The following SAMHD1 variants were observed in gnomAD, a reference collection of about 807,000 sequenced individuals.
SAMHD1 encodes deoxynucleoside triphosphate triphosphohydrolase SAMHD1.
Under a neutral mutation model 79.6 loss-of-function variants are expected in SAMHD1, and 54 were observed. The observed-to-expected ratio is 0.68, with a 90% CI of 0.55 to 0.85. The LOEUF is 0.85. Among genes scored for constraint, SAMHD1 ranks in the 40% least tolerant of loss-of-function variants. The pLI is 0.00. For missense variants in SAMHD1, 663 were observed against 782.7 expected, an observed-to-expected ratio of 0.85 and a Z score of 1.82; for synonymous variants, 260 against 264.1, an observed-to-expected ratio of 0.98 and a Z score of 0.15.
intron 11 of SAMHD1, among the ~76,000 whole-genome samples, chr20:36,908,561 T>C (rs2063418667): frequency 6.6e-6 from 1 of 152,196 alleles, no homozygotes; most frequent in African/African-American, 2.4e-5. Flanking sequence ...TTGATTGAAT[T>C]TACTGAAAGG....
At chr20:36,943,662 T>C (rs1026238563) in intron 2 of SAMHD1, among the ~76,000 whole-genome samples, 1 of 152,138 alleles carries the variant, frequency 6.6e-6, no homozygotes, top group Non-Finnish European at 1.5e-5. Flanking sequence ...TGCACATGGC[T>C]CCCTTGAAAA....
intron 2 of SAMHD1, among the ~76,000 whole-genome samples, chr20:36,942,856 C>T (rs1223908629): frequency 6.6e-6 from 1 of 152,034 alleles, no homozygotes; most frequent in Non-Finnish European, 1.5e-5. Context: ...CAGGGTTTCA[C>T]CATGTTAGCC....
chr20:36,941,233 A>T (rs1418360994), intron 2 of SAMHD1, 122 bp from the exon 3 acceptor site: 10 of 732,192 alleles, frequency 1.4e-5, no homozygotes. Context: ...TGGAAGGAAC[A>T]ATCAATAATT....
chr20:36,927,031 C>CAT (rs111873191), intron 6 of SAMHD1, 151 bp downstream of exon 6: 2,962 of 591,206 alleles, frequency 5.0e-3, no homozygotes, highest in Middle Eastern at 7.3e-3. Context: ...CAAACAAAAG[C>CAT]ATATATATAT....
intron 1 of SAMHD1, among the ~76,000 whole-genome samples, chr20:36,949,409 G>A (rs2063717272): frequency 6.7e-6 from 1 of 150,074 alleles, no homozygotes; most frequent in East Asian, 2.0e-4. Flanking sequence ...TCGAAGCCAA[G>A]AGTTTGAGAC....
At chr20:36,899,351 C>T (rs1990258922) in intron 13 of SAMHD1, among the ~76,000 whole-genome samples, 1 of 151,892 alleles carries the variant, frequency 6.6e-6, no homozygotes, top group Non-Finnish European at 1.5e-5. Flanking sequence ...TTGGTTGAAC[C>T]TGGCAGGCGG....
chr20:36,903,308 C>T (rs550790569), intron 13 of SAMHD1, among the ~76,000 whole-genome samples: 21 of 152,008 alleles, frequency 1.4e-4, no homozygotes, highest in Admixed American at 1.3e-4. Context: ...GGCGTGATCT[C>T]GGCTCACTGC....
At chr20:36,932,622 G>A (rs2063575495) in intron 4 of SAMHD1, among the ~76,000 whole-genome samples, 1 of 151,760 alleles carries the variant, frequency 6.6e-6, no homozygotes, top group Non-Finnish European at 1.5e-5. Flanking sequence ...TCGCCATGTT[G>A]CCCAGGCTGA....
At chr20:36,925,872 G>A (rs1349424930) in intron 6 of SAMHD1, among the ~76,000 whole-genome samples, 1 of 152,176 alleles carries the variant, frequency 6.6e-6, no homozygotes, top group Non-Finnish European at 1.5e-5. Flanking sequence ...GCTGATGGGA[G>A]TGTAAAATGG....
At chr20:36,929,944 G>A (rs1360398968) in intron 5 of SAMHD1, among the ~76,000 whole-genome samples, 1 of 151,914 alleles carries the variant, frequency 6.6e-6, no homozygotes, top group Non-Finnish European at 1.5e-5. Context: ...AGAAGGACAA[G>A]GCCAGGCGCG....
intron 13 of SAMHD1, among the ~76,000 whole-genome samples, chr20:36,903,546 TTTTC>T (rs1189298243): frequency 9.2e-6 from 1 of 108,476 alleles, no homozygotes; most frequent in Non-Finnish European, 2.0e-5. Context: ...GCAATTTTTT[TTTTC>T]TTTTTCTTTT....
Position 36,922,980 on chromosome 20 carries a change from AT to A in SAMHD1, c.697-3462del, listed in dbSNP as rs571925152. 5.0e-4 allele frequency among the ~76,000 whole-genome samples: 76 copies of A among 151,958 alleles called. 1 individual carries two copies. Among genetic ancestry groups the A allele is most frequent in the African/African-American group, 1.7e-3 (69 of 41,458 alleles). On this transcript the variant is annotated intron_variant, in intron 6 of 15. Coordinates refer to ENST00000646673, the MANE Select transcript of SAMHD1 (RefSeq NM_015474.4). Reference sequence around the variant, plus strand: ...TACTTTCTAATGATTCAGAAAAAAAATATCTATATATAAAGAGAGAGTATTT... The same window carrying A: ...TACTTTCTAATGATTCAGAAAAAAAAATCTATATATAAAGAGAGAGTATTT...
At chr20:36,923,438 A>C (rs1056438588) in intron 6 of SAMHD1, among the ~76,000 whole-genome samples, 6 of 151,444 alleles carry the variant, frequency 4.0e-5, no homozygotes, top group African/African-American at 1.5e-4. Flanking sequence ...AATAAAATAA[A>C]AATAAATAAA....
intron 4 of SAMHD1, among the ~76,000 whole-genome samples, chr20:36,932,338 C>T (rs1395285588): frequency 4.8e-5 from 5 of 104,838 alleles, no homozygotes; most frequent in Non-Finnish European, 8.8e-5. Context: ...GCAACAAGAG[C>T]GAAACTCCGT....
At position 36,892,423 on chromosome 20, in the gene SAMHD1, T is replaced by C. The variant is rs2148351680; in HGVS notation, c.*509A>G. 5.2e-6 allele frequency: 1 copy of C among 191,686 alleles called. No homozygotes were observed. Among genetic ancestry groups the C allele is most frequent in the East Asian group, 1.4e-4 (1 of 7,076 alleles). The allele number at this position is 191,686 out of a possible 1,614,324, so 11.9% of individuals were successfully genotyped here. On this transcript the variant is annotated 3_prime_UTR_variant, in exon 16 of 16. Coordinates refer to ENST00000646673, the MANE Select transcript of SAMHD1 (RefSeq NM_015474.4). ...TTTTAGCCATGTTTGTCAATGACAATGTCAATTTCTAGTTCCAATTTGTAC... is the reference window on the plus strand; with the variant it reads ...TTTTAGCCATGTTTGTCAATGACAACGTCAATTTCTAGTTCCAATTTGTAC...
chr20:36,896,138 A>G (rs1027337520), intron 15 of SAMHD1, among the ~76,000 whole-genome samples: 3 of 149,602 alleles, frequency 2.0e-5, no homozygotes, highest in Admixed American at 1.3e-4. Flanking sequence ...GTCGCCGGCT[A>G]ATTTTTTGTA....
At chr20:36,910,524 G>A (rs2063432163) in intron 11 of SAMHD1, among the ~76,000 whole-genome samples, 1 of 152,020 alleles carries the variant, frequency 6.6e-6, no homozygotes, top group Non-Finnish European at 1.5e-5. Flanking sequence ...GAGGTCAGGA[G>A]TTCGAGAAGA....
chr20:36,917,155 A>C, intron 7 of SAMHD1, 106 bp from the exon 8 acceptor site: 1 of 734,570 alleles, frequency 1.4e-6, no homozygotes, highest in Non-Finnish European at 2.4e-6. Context: ...CAGATACCTG[A>C]CTGGGAATAT....
In SAMHD1 at chr20:36,930,800, A is replaced by T; in HGVS notation, c.585T>A (p.Asp195Glu). The T allele has an allele frequency of 6.2e-7, 1 of 1,613,946 alleles. No homozygotes were observed. Among genetic ancestry groups the T allele is most frequent in the Non-Finnish European group, 8.5e-7 (1 of 1,179,892 alleles). Residue 195 changes from aspartate to glutamate, a missense_variant, in exon 5 of 16, where the codon GAT (aspartate) becomes GAA (glutamate). Transcript: ENST00000646673. ...KQPELQISERDVLCVQIAGLC... is the reference protein window; with the variant it reads ...KQPELQISEREVLCVQIAGLC... ...GTCCAGCAATCTGAACACAGAGAAC[A>T]TCTCGTTCACTTATCTGCAGCTCTG...
Sources: gnomAD v4.1 joint callset for allele counts (sites outside exome capture counted in the v4.1 genomes callset) on GRCh38, gnomAD v4.1.1 for gene constraint, MANE v1.5 for transcripts, NCBI Gene and HGNC (gene_info 2026-07-23, HGNC 2026-07-21) for gene names.